The following ZNF215 variants were observed in gnomAD, a reference collection of about 807,000 sequenced individuals.
ZNF215 encodes BWSCR2-associated zinc finger protein 2.
A neutral mutation model predicts 27.2 loss-of-function variants in ZNF215; 24 were observed. The ratio of observed to expected loss-of-function variants is 0.88; its 90% CI spans 0.64 to 1.24. The LOEUF (loss-of-function observed/expected upper bound fraction) is 1.24, where lower values mean the gene tolerates loss of function less well. ZNF215 is among the 50% of genes most tolerant of loss of function. The probability of loss-of-function intolerance (pLI) is 0.00; values close to 1 mark genes in which losing one functional copy is unlikely to be tolerated. For missense variants in ZNF215, 675 were observed against 605.7 expected (o/e 1.11, Z -1.20); for synonymous variants, 210 against 204.0 (o/e 1.03, Z -0.25).
intron 2 of ZNF215, among the ~76,000 whole-genome samples, chr11:6,931,531 T>A (rs1317143761): frequency 6.6e-6 from 1 of 150,984 alleles, no homozygotes; most frequent in East Asian, 1.9e-4. Flanking sequence ...CATTGCGTAA[T>A]TCTCCATAGT....
chr11:6,964,077 T>C (rs1294330852), intron 5 of ZNF215, among the ~76,000 whole-genome samples: 1 of 152,052 alleles, frequency 6.6e-6, no homozygotes, highest in Admixed American at 6.6e-5. Context: ...TCTGAATGAC[T>C]ATATTTTCAT....
chr11:6,956,159 T>C lies in ZNF215; in HGVS notation c.1182T>C (p.Leu394=), dbSNP rs2133299694. ...CGKAFCRSSS[L]IRHQIIHTGE... Reference sequence around the variant, plus strand: ...AAGCCTTCTGCCGAAGTTCATCCCTTATTCGACATCAGATCATTCACACAG... The same window carrying C: ...AAGCCTTCTGCCGAAGTTCATCCCTCATTCGACATCAGATCATTCACACAG... Residue 394 remains leucine, a synonymous_variant, in exon 7 of 7, where the codon CTT becomes CTC. Transcript: ENST00000278319. 6.2e-7 allele frequency: 1 copy of C among 1,613,842 alleles called. No individual in the cohort carries two copies. The highest frequency in any genetic ancestry group is 1.6e-4 in the Middle Eastern group (1 of 6,062).
intron 6 of ZNF215, among the ~76,000 whole-genome samples, chr11:6,950,631 G>A (rs536272627): frequency 2.0e-5 from 3 of 150,726 alleles, no homozygotes; most frequent in Non-Finnish European, 4.4e-5. Flanking sequence ...GGAGATTTTG[G>A]GCTGAGACGA....
At position 6,951,740 on chromosome 11, in the gene ZNF215, C is replaced by A. The variant is rs1850079329; in HGVS notation, c.713-3950C>A. On this transcript the variant is annotated intron_variant, in intron 6 of 6. Coordinates refer to ENST00000278319, the MANE Select transcript of ZNF215 (RefSeq NM_013250.4). ...TTTTGTGTCTCTATTTCCTTCAGTT[C>A]TGCTCTGATTTTAGTTATTTCTTGC... Among the ~76,000 whole-genome samples, 5 of 152,158 alleles carry A rather than the reference C, an allele frequency of 3.3e-5. No homozygotes were observed. The South Asian group carries it at 1.0e-3, about 32-fold the overall frequency.
At chr11:6,948,420 T>G (rs1849905621) in intron 6 of ZNF215, among the ~76,000 whole-genome samples, 2 of 152,112 alleles carry the variant, frequency 1.3e-5, no homozygotes, top group South Asian at 2.1e-4. Flanking sequence ...TATAAAATAA[T>G]AGAACCAAAG....
chr11:6,974,256 C>G (rs895217042), intron 5 of ZNF215, among the ~76,000 whole-genome samples: 6 of 152,014 alleles, frequency 3.9e-5, no homozygotes, highest in Non-Finnish European at 8.8e-5. Context: ...TGGTCTATAT[C>G]CCTGTTTTGG....
At position 6,942,365 on chromosome 11, in the gene ZNF215, A is replaced by G. The variant is rs140933002; in HGVS notation, c.483+712A>G. Among the ~76,000 whole-genome samples the G allele has an allele frequency of 3.2e-4, 48 of 152,338 alleles. No individual in the cohort carries two copies. The East Asian group carries it at 9.3e-3, about 29-fold the overall frequency. The stretch of plus-strand genomic sequence containing the variant: ...GATACAGGAGGGAATTTATTAGCCA[A>G]TATTTATGTAGTGCATAATATGCCA... On this transcript the variant is annotated intron_variant, in intron 4 of 6. Transcript: ENST00000278319.
intron 4 of ZNF215, 96 bp downstream of exon 4, chr11:6,941,749 T>C: frequency 1.5e-6 from 2 of 1,292,518 alleles, no homozygotes; most frequent in African/African-American, 2.9e-5. Context: ...CCAAACATGG[T>C]TCCATCCAAG....
intron 3 of ZNF215, among the ~76,000 whole-genome samples, chr11:6,936,594 C>A (rs1392740406): frequency 6.6e-6 from 1 of 151,878 alleles, no homozygotes; most frequent in Non-Finnish European, 1.5e-5. Context: ...CAAACTCTTC[C>A]AAAAAATAGG....
chr11:6,982,746 A>G (rs1375143062), intron 5 of ZNF215, among the ~76,000 whole-genome samples: 1 of 152,028 alleles, frequency 6.6e-6, no homozygotes, highest in African/African-American at 2.4e-5. Flanking sequence ...TCTCTGGGAC[A>G]CATTCAAAGC....
chr11:6,978,953 A>G (rs1850888731), intron 5 of ZNF215, among the ~76,000 whole-genome samples: 1 of 152,064 alleles, frequency 6.6e-6, no homozygotes, highest in South Asian at 2.1e-4. Flanking sequence ...TTCCAGCTCT[A>G]TCACTGCTAA....
chr11:6,969,600 A>G (rs1341439983), intron 5 of ZNF215, among the ~76,000 whole-genome samples: 1 of 152,080 alleles, frequency 6.6e-6, no homozygotes, highest in Non-Finnish European at 1.5e-5. Context: ...AAAAAAATGT[A>G]GTTAAAACAA....
chr11:6,939,065 T>A (rs943802572), intron 3 of ZNF215, among the ~76,000 whole-genome samples: 1 of 152,142 alleles, frequency 6.6e-6, no homozygotes, highest in Admixed American at 6.5e-5. Context: ...ATTGAAAGGA[T>A]AGGAAGATGC....
chr11:6,992,746 T>C (rs1851129271), downstream of ZNF215, among the ~76,000 whole-genome samples: 2 of 152,202 alleles, frequency 1.3e-5, no homozygotes, highest in South Asian at 4.1e-4. Flanking sequence ...CATCCAGCTA[T>C]GTATGCTTTC....
chr11:6,934,875 GGT>G (rs1554938256), intron 3 of ZNF215, among the ~76,000 whole-genome samples: 29 of 152,144 alleles, frequency 1.9e-4, no homozygotes, highest in Non-Finnish European at 1.5e-5. Flanking sequence ...ATAGGTATGA[GGT>G]GGGAATGTGA....
chr11:6,954,811 C>T (rs1850259184), intron 6 of ZNF215, among the ~76,000 whole-genome samples: 2 of 152,348 alleles, frequency 1.3e-5, no homozygotes, highest in Middle Eastern at 6.8e-3. Context: ...ATGCAGAAGT[C>T]ACCCGTCTTC....
rs1476394200 is a variant in ZNF215, at chr11:6,955,967, G to A, written c.990G>A (p.Gly330=). Residue 330 remains glycine, a synonymous_variant, in exon 7 of 7, where the codon GGG becomes GGA. Coordinates refer to ENST00000278319, the MANE Select transcript of ZNF215 (RefSeq NM_013250.4). Reference sequence around the variant, plus strand: ...AAGTGGGAATTCCTTCAAGAAAGGGGTCTCCAAAATGTGATAAGTTTAAAA... The same window carrying A: ...AAGTGGGAATTCCTTCAAGAAAGGGATCTCCAAAATGTGATAAGTTTAAAA... ...AIQVGIPSRK[G]SPKCDKFKTY... 6.2e-7 allele frequency: 1 copy of A among 1,612,982 alleles called. No individual in the cohort carries two copies. Among genetic ancestry groups the A allele is most frequent in the Non-Finnish European group, 8.5e-7 (1 of 1,179,788 alleles).
At chr11:6,974,529 A>G (rs1365077385) in intron 5 of ZNF215, among the ~76,000 whole-genome samples, 2 of 152,200 alleles carry the variant, frequency 1.3e-5, no homozygotes, top group African/African-American at 4.8e-5. Context: ...ATCCATGAGC[A>G]TGGAATGTTT....
chr11:6,983,777 G>A (rs1851008965), intron 5 of ZNF215, among the ~76,000 whole-genome samples: 1 of 152,046 alleles, frequency 6.6e-6, no homozygotes, highest in African/African-American at 2.4e-5. Flanking sequence ...ATATGGCAAA[G>A]GAAGTGCTAA....
Sources: gnomAD v4.1 joint callset for allele counts (sites outside exome capture counted in the v4.1 genomes callset) on GRCh38, gnomAD v4.1.1 for gene constraint, MANE v1.5 for transcripts, NCBI Gene and HGNC (gene_info 2026-07-23, HGNC 2026-07-21) for gene names.